The following DLG2 variants were observed in gnomAD, a reference collection of about 807,000 sequenced individuals.
The protein encoded by DLG2 is discs large MAGUK scaffold protein 2.
A neutral mutation model predicts 132.5 loss-of-function variants in DLG2; 45 were observed. The ratio of observed to expected loss-of-function variants is 0.34; its 90% CI spans 0.27 to 0.44. The LOEUF is 0.44. Ranked by LOEUF, DLG2 falls within the 20% of genes least tolerant of loss-of-function variation. DLG2 has a pLI of 1.00. For missense variants in DLG2, 1,045 were observed against 1,196.9 expected (o/e 0.87, Z 1.87); for synonymous variants, 424 against 419.6 (o/e 1.01, Z -0.13).
chr11:83,769,650 T>C (rs950840270), intron 18 of DLG2, among the ~76,000 whole-genome samples: 2 of 150,284 alleles, frequency 1.3e-5, no homozygotes, highest in Admixed American at 1.3e-4. Flanking sequence ...TGCAACCTTC[T>C]CTTTCCGGGG....
At chr11:83,644,263 T>A (rs1443879650) in intron 18 of DLG2, among the ~76,000 whole-genome samples, 1 of 152,146 alleles carries the variant, frequency 6.6e-6, no homozygotes, top group Non-Finnish European at 1.5e-5. Context: ...GTGAGGCTGC[T>A]AATGTGGCCA....
Position 85,358,159 on chromosome 11 carries a change from T to C in DLG2, c.41-72794A>G, listed in dbSNP as rs117487044. On this transcript the variant is annotated intron_variant, in intron 3 of 27. Transcript: ENST00000376104. ...TGACTTTTCAACCATGGCACCTGAC[T>C]GTAAACTTTTTTAAAAAAATAGTTG... is the stretch of plus-strand genomic sequence containing the variant. Among the ~76,000 whole-genome samples, 777 of 152,270 alleles carry C rather than the reference T, an allele frequency of 5.1e-3. 8 individuals carry two copies. The highest frequency in any genetic ancestry group is 0.023 in the South Asian group (112 of 4,824).
At chr11:83,747,334 T>TCCTG (rs1555375546) in intron 18 of DLG2, among the ~76,000 whole-genome samples, 12 of 146,924 alleles carry the variant, frequency 8.2e-5, no homozygotes, top group Admixed American at 2.1e-4. Context: ...CTTCCTGCCT[T>TCCTG]CCTTCCTGCC....
chr11:85,142,741 A>G lies in DLG2; in HGVS notation c.282+11815T>C, dbSNP rs187009502. Among the ~76,000 whole-genome samples the G allele has an allele frequency of 9.9e-5, 15 of 151,854 alleles. No homozygotes were observed. The East Asian group carries it at 2.5e-3, about 25-fold the overall frequency. On this transcript the variant is annotated intron_variant, in intron 5 of 27. Coordinates refer to ENST00000376104, the MANE Select transcript of DLG2 (RefSeq NM_001142699.3). The stretch of plus-strand genomic sequence containing the variant: ...AATTGTGTTGAGGTATGTTCCCTCT[A>G]TGCCACATTTTTTAGCATTTTTGTC...
chr11:83,977,448 T>G (rs1164099063), intron 12 of DLG2, among the ~76,000 whole-genome samples: 1 of 152,032 alleles, frequency 6.6e-6, no homozygotes. Flanking sequence ...ACTGTATTCC[T>G]AGTCCAAAAT....
rs535892040 is a variant in DLG2, at chr11:85,066,307, A to C, written c.357+45354T>G. On this transcript the variant is annotated intron_variant, in intron 6 of 27. Transcript: ENST00000376104. ...GTAGTGAAATTAAATTAGCAATAAA[A>C]AACTCCCCTCCCAAAAAAGACCAGT... Among the ~76,000 whole-genome samples the C allele has an allele frequency of 5.1e-4, 77 of 151,630 alleles. 2 individuals carry two copies. In the South Asian group the frequency reaches 0.015, roughly 29 times the overall value.
At position 84,972,676 on chromosome 11, in the gene DLG2, G is replaced by C. The variant is rs151173959; in HGVS notation, c.357+138985C>G. ...GAAGACAACCTATTGCTTTTAATGG[G>C]CCGCTCTGTCAAGTGTTCTCCCGAA... On this transcript the variant is annotated intron_variant, in intron 6 of 27. Coordinates refer to ENST00000376104, the MANE Select transcript of DLG2 (RefSeq NM_001142699.3). Among the ~76,000 whole-genome samples, 875 of 152,256 alleles carry C rather than the reference G, an allele frequency of 5.7e-3. 1 individual carries two copies. Among genetic ancestry groups the C allele is most frequent in the Non-Finnish European group, 9.7e-3 (662 of 68,018 alleles).
chr11:84,781,668 A>G (rs1262144131), intron 6 of DLG2, among the ~76,000 whole-genome samples: 4 of 152,132 alleles, frequency 2.6e-5, no homozygotes, highest in African/African-American at 9.7e-5. Context: ...GAAGACTGAG[A>G]CCCTCTGACA....
chr11:83,665,550 T>C (rs150748092), intron 18 of DLG2, among the ~76,000 whole-genome samples: 245 of 152,326 alleles, frequency 1.6e-3, no homozygotes, highest in Non-Finnish European at 3.0e-3. Flanking sequence ...ATTCAACAGA[T>C]ATTGTGATTC....
chr11:84,208,012 C>A (rs1018924231), intron 8 of DLG2, among the ~76,000 whole-genome samples: 1 of 152,108 alleles, frequency 6.6e-6, no homozygotes, highest in African/African-American at 2.4e-5. Flanking sequence ...TATCCCTGAA[C>A]CTGAAATAAA....
At chr11:85,315,203 C>T (rs2080576581) in intron 3 of DLG2, among the ~76,000 whole-genome samples, 1 of 152,046 alleles carries the variant, frequency 6.6e-6, no homozygotes, top group African/African-American at 2.4e-5. Flanking sequence ...ACTGAGCTCA[C>T]AGCTTCCCCA....
chr11:84,836,858 C>T (rs568345042), intron 6 of DLG2, among the ~76,000 whole-genome samples: 58 of 142,486 alleles, frequency 4.1e-4, no homozygotes, highest in African/African-American at 1.4e-3. Flanking sequence ...GTCCATAAAG[C>T]ATATACTTTT....
chr11:85,346,037 G>C (rs1482908831), intron 3 of DLG2, among the ~76,000 whole-genome samples: 1 of 151,970 alleles, frequency 6.6e-6, no homozygotes, highest in Non-Finnish European at 1.5e-5. Flanking sequence ...AGTATATTAA[G>C]AAAGTAAAGT....
intron 4 of DLG2, among the ~76,000 whole-genome samples, chr11:85,198,535 A>C (rs182380239): frequency 1.1e-3 from 175 of 152,284 alleles, no homozygotes; most frequent in African/African-American, 4.1e-3. Context: ...AGAATTATAG[A>C]ATTTTGAGAA....
intron 7 of DLG2, among the ~76,000 whole-genome samples, chr11:84,432,902 C>T (rs962113032): frequency 2.6e-5 from 4 of 152,070 alleles, no homozygotes; most frequent in African/African-American, 9.7e-5. Context: ...CACATGTCTG[C>T]AGTCCCAGCT....
intron 7 of DLG2, among the ~76,000 whole-genome samples, chr11:84,295,394 C>T (rs2098076217): frequency 6.6e-6 from 1 of 152,046 alleles, no homozygotes; most frequent in African/African-American, 2.4e-5. Flanking sequence ...TATCAAATGC[C>T]AGGGCTATAA....
intron 3 of DLG2, among the ~76,000 whole-genome samples, chr11:85,521,180 T>A (rs911758149): frequency 6.6e-6 from 1 of 152,208 alleles, no homozygotes; most frequent in Non-Finnish European, 1.5e-5. Context: ...TCCCCATGTG[T>A]TGGGTGAGGG....
chr11:85,300,392 C>A (rs1269376587), intron 3 of DLG2, among the ~76,000 whole-genome samples: 1 of 152,108 alleles, frequency 6.6e-6, no homozygotes, highest in Non-Finnish European at 1.5e-5. Context: ...CATAATACTG[C>A]CCCTCCAACT....
At chr11:83,501,514 T>C (rs1263312034) in intron 21 of DLG2, among the ~76,000 whole-genome samples, 1 of 152,210 alleles carries the variant, frequency 6.6e-6, no homozygotes, top group Admixed American at 6.5e-5. Context: ...CTGGGCCTGT[T>C]TCTTCATATA....
Sources: gnomAD v4.1 joint callset for allele counts (sites outside exome capture counted in the v4.1 genomes callset) on GRCh38, gnomAD v4.1.1 for gene constraint, MANE v1.5 for transcripts, NCBI Gene and HGNC (gene_info 2026-07-23, HGNC 2026-07-21) for gene names.